CA8: variants seen among roughly 807,000 people sequenced by gnomAD.
The protein encoded by CA8 is carbonic anhydrase-related protein.
Under a neutral mutation model 41.4 loss-of-function variants are expected in CA8, and 22 were observed. The observed-to-expected ratio is 0.53, with a 90% CI of 0.38 to 0.76. The LOEUF (loss-of-function observed/expected upper bound fraction) is 0.76. Among genes scored for constraint, CA8 ranks in the 30% least tolerant of loss-of-function variants. The pLI is 0.00. For missense variants in CA8, 270 were observed against 352.8 expected (o/e 0.77, Z 1.88); for synonymous variants, 121 against 130.6 (o/e 0.93, Z 0.50).
intron 8 of CA8, chr8:60,208,489 T>C: frequency 4.6e-6 from 2 of 433,834 alleles, no homozygotes; most frequent in East Asian, 4.9e-5. Context: ...AGGGTGTCTG[T>C]TCTTATGAAA....
At chr8:60,275,047 G>C (rs1257079009) in intron 2 of CA8, among the ~76,000 whole-genome samples, 1 of 152,184 alleles carries the variant, frequency 6.6e-6, no homozygotes, top group Non-Finnish European at 1.5e-5. Context: ...ATAGTCTCCT[G>C]TCTGTGCCAA....
chr8:60,251,705 T>G (rs1337425668), intron 3 of CA8, among the ~76,000 whole-genome samples: 1 of 152,220 alleles, frequency 6.6e-6, no homozygotes, highest in East Asian at 1.9e-4. Flanking sequence ...AAGGCCAAAG[T>G]CATCTGCCAT....
chr8:60,260,942 C>T (rs1445825447), intron 3 of CA8, among the ~76,000 whole-genome samples: 1 of 152,064 alleles, frequency 6.6e-6, no homozygotes, highest in Non-Finnish European at 1.5e-5. Context: ...CTGGGATCTC[C>T]TTAGAATAGT....
intron 8 of CA8, among the ~76,000 whole-genome samples, chr8:60,206,050 G>A (rs1806565876): frequency 6.6e-6 from 1 of 152,058 alleles, no homozygotes; most frequent in African/African-American, 2.4e-5. Context: ...TTTTTATATA[G>A]AACTCTGACC....
chr8:60,240,470 T>C (rs1312897829), intron 3 of CA8, among the ~76,000 whole-genome samples: 1 of 152,232 alleles, frequency 6.6e-6, no homozygotes, highest in African/African-American at 2.4e-5. Context: ...AATATTCTTA[T>C]CTATTTTCTT....
intron 3 of CA8, among the ~76,000 whole-genome samples, chr8:60,237,259 G>C (rs1807866348): frequency 6.6e-6 from 1 of 152,188 alleles, no homozygotes; most frequent in African/African-American, 2.4e-5. Context: ...TATCTTAAAA[G>C]CTTGGATTAT....
chr8:60,258,241 T>C (rs1803614617), intron 3 of CA8, among the ~76,000 whole-genome samples: 1 of 152,210 alleles, frequency 6.6e-6, no homozygotes. Flanking sequence ...AGTGTAGAAG[T>C]AGTGATGTTG....
At chr8:60,212,826 A>C (rs778539302) in intron 7 of CA8, among the ~76,000 whole-genome samples, 30 of 152,332 alleles carry the variant, frequency 2.0e-4, no homozygotes, top group South Asian at 6.2e-4. Context: ...TTTTAACAAC[A>C]AAGGACATGG....
chr8:60,218,625 C>T (rs1210951968), intron 7 of CA8, among the ~76,000 whole-genome samples: 2 of 152,078 alleles, frequency 1.3e-5, no homozygotes, highest in African/African-American at 4.8e-5. Context: ...CAAGTAAAAG[C>T]AAATGAATGC....
chr8:60,253,774 G>C (rs1383474459), intron 3 of CA8, among the ~76,000 whole-genome samples: 1 of 152,042 alleles, frequency 6.6e-6, no homozygotes, highest in African/African-American at 2.4e-5. Context: ...CCCCAGCCTT[G>C]TTTACCCAGC....
intron 7 of CA8, among the ~76,000 whole-genome samples, chr8:60,211,141 CATA>C (rs1370573238): frequency 1.3e-5 from 2 of 152,088 alleles, no homozygotes; most frequent in Non-Finnish European, 2.9e-5. Flanking sequence ...GTATAACAGA[CATA>C]ATAATAACAG....
At chr8:60,256,681 A>C (rs1192827825) in intron 3 of CA8, among the ~76,000 whole-genome samples, 1 of 152,258 alleles carries the variant, frequency 6.6e-6, no homozygotes, top group African/African-American at 2.4e-5. Flanking sequence ...TGACTCAATT[A>C]GAAGTTTTAT....
intron 3 of CA8, among the ~76,000 whole-genome samples, chr8:60,262,780 T>C (rs1585920631): frequency 1.3e-5 from 2 of 152,356 alleles, no homozygotes; most frequent in South Asian, 2.1e-4. Flanking sequence ...GAATTCAGAT[T>C]TACCAGATGA....
chr8:60,196,958 A>G (rs939126204), intron 8 of CA8, among the ~76,000 whole-genome samples: 4 of 152,156 alleles, frequency 2.6e-5, no homozygotes, highest in Admixed American at 2.6e-4. Flanking sequence ...TATTTACAGG[A>G]CATGATATAA....
In CA8 at chr8:60,281,380, G is replaced by A. The variant is rs1804426117; in HGVS notation, c.-233C>T. 5 of 550,072 alleles carry A rather than the reference G, an allele frequency of 9.1e-6. No homozygotes were observed. The highest frequency in any genetic ancestry group is 2.0e-5 in the South Asian group (1 of 49,208). 34.1% of individuals were successfully genotyped at this position (550,072 alleles called of 1,614,324 possible). On this transcript the variant is annotated 5_prime_UTR_variant, in exon 1 of 9. Coordinates refer to ENST00000317995, the MANE Select transcript of CA8 (RefSeq NM_004056.6). ...AAGCGCGTCCGGAGGCCCCAGCAGA[G>A]CGAGGGAGCGGCTGTGGCCTGGGGA...
rs181094026 is a variant in CA8, at chr8:60,273,557, T to C, written c.292+6132A>G. 5.4e-4 allele frequency among the ~76,000 whole-genome samples: 82 copies of C among 152,224 alleles called. 1 individual carries two copies. The highest frequency in any genetic ancestry group is 3.9e-3 in the Admixed American group (59 of 15,290). ...CTATGCAGATGCACTGCTCATGGGG[T>C]ACATGCAGGAGAAGAGGGTTCAGAA... On this transcript the variant is annotated intron_variant, in intron 2 of 8. Transcript: ENST00000317995.
At chr8:60,232,402 AC>A in intron 3 of CA8, 23 bp from the exon 4 acceptor site, 2 of 1,479,078 alleles carry the variant, frequency 1.4e-6, no homozygotes, top group Non-Finnish European at 1.9e-6. Flanking sequence ...CAACAGACAG[AC>A]CACATCATTT....
rs866964688 is a variant in CA8, at chr8:60,243,589, T to C, written c.418-11210A>G. ...TCTGTCTCTTGTCCCATCAGTTTAG[T>C]GAAACTGCTCACCGTCTACGGCCAT... On this transcript the variant is annotated intron_variant, in intron 3 of 8. Coordinates refer to ENST00000317995, the MANE Select transcript of CA8 (RefSeq NM_004056.6). 5.9e-5 allele frequency among the ~76,000 whole-genome samples: 9 copies of C among 152,266 alleles called. No individual in the cohort carries two copies. The South Asian group carries it at 1.9e-3, about 32-fold the overall frequency.
chr8:60,227,581 A>G (rs1388396646), intron 4 of CA8, among the ~76,000 whole-genome samples: 2 of 152,202 alleles, frequency 1.3e-5, no homozygotes, highest in East Asian at 3.8e-4. Flanking sequence ...ACTACTCAGT[A>G]CATGTTCAAA....
Sources: gnomAD v4.1 joint callset for allele counts (sites outside exome capture counted in the v4.1 genomes callset) on GRCh38, gnomAD v4.1.1 for gene constraint, MANE v1.5 for transcripts, NCBI Gene and HGNC (gene_info 2026-07-23, HGNC 2026-07-21) for gene names.